The following SCAF4 variants were observed in gnomAD, a reference collection of about 807,000 sequenced individuals.
SCAF4 encodes SR-related CTD associated factor 4.
SCAF4 carries 25 observed loss-of-function variants against 129.8 expected under a neutral mutation model. That is an observed-to-expected ratio of 0.19 (90% CI 0.14 to 0.27). The LOEUF is 0.27. SCAF4 is among the 10% of genes least tolerant of loss of function. SCAF4 has a pLI of 1.00. For synonymous variants in SCAF4, 551 were observed against 497.7 expected, an observed-to-expected ratio of 1.11 and a Z score of -1.43; for missense variants, 1,246 against 1,457.1, an observed-to-expected ratio of 0.86 and a Z score of 2.36.
At chr21:31,680,544 T>C (rs749048875) in intron 19 of SCAF4, among the ~76,000 whole-genome samples, 1 of 152,190 alleles carries the variant, frequency 6.6e-6, no homozygotes, top group Non-Finnish European at 1.5e-5. Context: ...GCTTTTTGGG[T>C]ACCAAATTAA....
chr21:31,691,883 T>C lies in SCAF4; in HGVS notation c.1662A>G (p.Gln554=). ...GCAYIVMVHR[Q]DAYRALQKLS... is the part of the protein sequence containing the mutation. Reference sequence around the variant, plus strand: ...GTTTCTGCAGGGCACGATAGGCATCTTGCCTATGAACCATAACAATATAGG... The same window carrying C: ...GTTTCTGCAGGGCACGATAGGCATCCTGCCTATGAACCATAACAATATAGG... The change falls in exon 14 of 20, where the codon CAA becomes CAG. Residue 554 remains glutamine (Q), a synonymous_variant. Transcript: ENST00000286835. 3 of 1,608,764 alleles carry C rather than the reference T, an allele frequency of 1.9e-6. No individual in the cohort carries two copies. The highest frequency in any genetic ancestry group is 2.5e-6 in the Non-Finnish European group (3 of 1,177,102).
intron 1 of SCAF4, among the ~76,000 whole-genome samples, chr21:31,731,111 G>A (rs1476484676): frequency 3.3e-5 from 5 of 152,196 alleles, no homozygotes; most frequent in Admixed American, 3.3e-4. Flanking sequence ...CCGGAGAAGG[G>A]GGATGAACAC....
chr21:31,695,811 G>A (rs1326771571), intron 9 of SCAF4, among the ~76,000 whole-genome samples: 1 of 152,190 alleles, frequency 6.6e-6, no homozygotes, highest in African/African-American at 2.4e-5. Context: ...AATACAGAAG[G>A]AAGGCCCTTC....
rs1601164846 is a variant in SCAF4 at position 31,671,701 on chromosome 21, C to T, written c.3142G>A (p.Glu1048Lys). Residue 1048 changes from glutamate (E) to lysine (K), a missense_variant, in exon 20 of 20, where the codon GAG (glutamate) becomes AAG (lysine). Physicochemically the swap from Glu to Lys is moderately conservative, Grantham distance 56. Coordinates refer to ENST00000286835, the MANE Select transcript of SCAF4 (RefSeq NM_020706.2). ...TGCCCACTAGAGCGTCTATTTCTCT[C>T]TTCCAAGTCTCTGTGCCTGTCCCGG... is the stretch of plus-strand genomic sequence containing the variant. ...PDRDRHRDLE[E>K]RNRRSSGHRD... 1 of 1,614,124 alleles carries T rather than the reference C, an allele frequency of 6.2e-7. No individual in the cohort carries two copies. The highest frequency in any genetic ancestry group is 2.2e-5 in the East Asian group (1 of 44,876).
intron 19 of SCAF4, among the ~76,000 whole-genome samples, chr21:31,674,706 G>T (rs1180539980): frequency 6.6e-6 from 1 of 152,280 alleles, no homozygotes; most frequent in South Asian, 2.1e-4. Context: ...AGTTACCCAG[G>T]TGAAAAGGGC....
intron 1 of SCAF4, among the ~76,000 whole-genome samples, chr21:31,731,042 A>C (rs567757088): frequency 6.6e-6 from 1 of 152,188 alleles, no homozygotes; most frequent in East Asian, 1.9e-4. Flanking sequence ...TCACGACTTT[A>C]AATTATAACG....
intron 1 of SCAF4, among the ~76,000 whole-genome samples, chr21:31,719,340 C>A (rs2051015737): frequency 6.6e-6 from 1 of 151,870 alleles, no homozygotes; most frequent in Non-Finnish European, 1.5e-5. Flanking sequence ...GAATATAATA[C>A]ACAATGGTTT....
At chr21:31,705,384 T>C (rs775042182) in intron 3 of SCAF4, 39 bp downstream of exon 3, 1 of 914,616 alleles carries the variant, frequency 1.1e-6, no homozygotes, top group Non-Finnish European at 1.7e-6. Flanking sequence ...TTACAAATCA[T>C]ATTGTAACTA....
Position 31,693,304 on chromosome 21 carries a change from T to C in SCAF4, c.1503A>G (p.Glu501=), listed in dbSNP as rs749477518. 3.4e-6 allele frequency: 5 copies of C among 1,475,662 alleles called. No individual in the cohort carries two copies. Among genetic ancestry groups the C allele is most frequent in the Non-Finnish European group, 4.6e-6 (5 of 1,094,912 alleles). 91.4% of individuals were successfully genotyped at this position (1,475,662 alleles called of 1,614,324 possible). The part of the protein sequence containing the change: ...RQKGLPQVKP[E]TASVCSTTLW... ...TAAAGGTTGAGTTACCACTTGCAGT[T>C]TCCGGTTTCACTTGAGGGAGGCCTT... The change falls in exon 12 of 20, where the codon GAA becomes GAG. Residue 501 remains glutamate, a synonymous_variant. Transcript: ENST00000286835.
In SCAF4 at chr21:31,714,093, G is replaced by T. The variant is rs2050868742; in HGVS notation, c.31-7736C>A. On this transcript the variant is annotated intron_variant, in intron 1 of 19. Transcript: ENST00000286835. Reference sequence around the variant, plus strand: ...ACTCTGGGCAAATTAATTTCTCTAAGCCATAATGTCCTCATTTGTAAAAAG... The same window carrying T: ...ACTCTGGGCAAATTAATTTCTCTAATCCATAATGTCCTCATTTGTAAAAAG... 2.0e-5 allele frequency among the ~76,000 whole-genome samples: 3 copies of T among 152,104 alleles called. No individual in the cohort carries two copies. The East Asian group carries it at 5.8e-4, about 29-fold the overall frequency.
intron 3 of SCAF4, among the ~76,000 whole-genome samples, chr21:31,704,284 A>C (rs1222492315): frequency 6.6e-6 from 1 of 152,134 alleles, no homozygotes; most frequent in Admixed American, 6.5e-5. Context: ...GGTAATTTTT[A>C]TCTTTCAAAA....
At position 31,688,200 on chromosome 21, in the gene SCAF4, A is replaced by G. The variant is rs968592073; in HGVS notation, c.2043+107T>C. 10 of 922,944 alleles carry G rather than the reference A, an allele frequency of 1.1e-5. No homozygotes were observed. The East Asian group carries it at 1.5e-4, about 14-fold the overall frequency. The allele number at this position is 922,944 out of a possible 1,614,324, so 57.2% of individuals were successfully genotyped here. ...AACATGAAAAATGTAATATGCACAT[A>G]TATGTACTCATGTTTTTTACTATGA... On this transcript the variant is annotated intron_variant, in intron 16 of 19. Coordinates refer to ENST00000286835, the MANE Select transcript of SCAF4 (RefSeq NM_020706.2).
Position 31,694,127 on chromosome 21 carries a change from A to G in SCAF4, c.1322+77T>C, listed in dbSNP as rs148947487. ...ATTTTACTAACATTCTGAATATCTG[A>G]AAATAACCCAATCTAATTTTAATTT... On this transcript the variant is annotated intron_variant, in intron 11 of 19. Transcript: ENST00000286835. 9.6e-5 allele frequency: 76 copies of G among 792,660 alleles called. No individual in the cohort carries two copies. In the Admixed American group the frequency reaches 1.8e-3, roughly 19 times the overall value. The allele number at this position is 792,660 out of a possible 1,614,324, so 49.1% of individuals were successfully genotyped here.
At chr21:31,723,538 T>C (rs1463577028) in intron 1 of SCAF4, among the ~76,000 whole-genome samples, 1 of 152,172 alleles carries the variant, frequency 6.6e-6, no homozygotes, top group Non-Finnish European at 1.5e-5. Flanking sequence ...CATATCAGTA[T>C]GCAGATAAGT....
At chr21:31,686,279 A>T (rs746591060) in intron 16 of SCAF4, among the ~76,000 whole-genome samples, 31 of 151,900 alleles carry the variant, frequency 2.0e-4, no homozygotes, top group Admixed American at 1.4e-3. Flanking sequence ...TTATGACAGC[A>T]ATTTCACACT....
rs552840364 is a variant in SCAF4 at position 31,683,171 on chromosome 21, T to C, written c.2488+1878A>G. On this transcript the variant is annotated intron_variant, in intron 19 of 19. Transcript: ENST00000286835. ...GAAGTAAAATATGAACAGTCCTGCA[T>C]TGAAAACCACCCGCTCATGTAACAA... is the stretch of plus-strand genomic sequence containing the variant. Among the ~76,000 whole-genome samples the C allele has an allele frequency of 1.8e-4, 28 of 152,336 alleles. No homozygotes were observed. The South Asian group carries it at 5.6e-3, about 30-fold the overall frequency.
chr21:31,724,278 G>A (rs551759323), intron 1 of SCAF4, among the ~76,000 whole-genome samples: 1 of 152,302 alleles, frequency 6.6e-6, no homozygotes, highest in Non-Finnish European at 1.5e-5. Flanking sequence ...GCTCTCAACA[G>A]ATCCTGGTAA....
At chr21:31,727,639 A>G (rs1179872294) in intron 1 of SCAF4, among the ~76,000 whole-genome samples, 1 of 152,116 alleles carries the variant, frequency 6.6e-6, no homozygotes, top group Non-Finnish European at 1.5e-5. Context: ...TAAAAATACA[A>G]AAATTAGCTG....
intron 1 of SCAF4, among the ~76,000 whole-genome samples, chr21:31,721,447 A>T (rs2123676923): frequency 6.6e-6 from 1 of 152,340 alleles, no homozygotes; most frequent in African/African-American, 2.4e-5. Flanking sequence ...TCCTTTAAGC[A>T]GGGTATTATA....
Sources: gnomAD v4.1 joint callset for allele counts (sites outside exome capture counted in the v4.1 genomes callset) on GRCh38, gnomAD v4.1.1 for gene constraint, MANE v1.5 for transcripts, NCBI Gene and HGNC (gene_info 2026-07-23, HGNC 2026-07-21) for gene names.